TRPM8: variants seen among roughly 807,000 people sequenced by gnomAD.
TRPM8 encodes TRPM8 cationic channel.
TRPM8 carries 110 observed loss-of-function variants against 133.7 expected under a neutral mutation model. That is an observed-to-expected ratio of 0.82 (90% CI 0.70 to 0.96). The LOEUF is 0.96. Among genes scored for constraint, TRPM8 ranks in the 40% least tolerant of loss-of-function variants. TRPM8 has a pLI of 0.00. For missense variants in TRPM8, 1,291 were observed against 1,379.5 expected (o/e 0.94, Z 1.02); for synonymous variants, 535 against 532.3 (o/e 1.01, Z -0.07).
rs1429984846 is a variant in TRPM8, at chr2:233,942,425, G to T, written c.527-151G>T. 23 of 735,516 alleles carry T rather than the reference G, an allele frequency of 3.1e-5. No homozygotes were observed. In the East Asian group the frequency reaches 5.9e-4, roughly 19 times the overall value. 45.6% of individuals were successfully genotyped at this position (735,516 alleles called of 1,614,324 possible). A position where few individuals can be genotyped will look rare whatever the true frequency, so the allele number is the denominator to read the frequency against. The stretch of plus-strand genomic sequence containing the variant: ...ACACCTCTCAGGAGAACTGTCTGAG[G>T]TCCCCTCTCCTTCCTTGCCATACGA... On this transcript the variant is annotated intron_variant, in intron 5 of 25. Transcript: ENST00000324695.
Position 233,963,289 on chromosome 2 carries a change from C to G in TRPM8, c.1661C>G (p.Ser554Cys). Residue 554 changes from serine to cysteine, a missense_variant, in exon 13 of 26, where the codon TCT becomes TGT. Around this residue, in one of 2 missense-constraint regions of TRPM8, gnomAD observed 963 missense variants for 968.9 expected, o/e 0.99. Coordinates refer to ENST00000324695, the MANE Select transcript of TRPM8 (RefSeq NM_024080.5). The stretch of plus-strand genomic sequence containing the variant: ...CATGCTCTAACCCCCCAGGACGTGT[C>G]TCCTATTACTCGGCACCCCCTGCAA... Reference protein sequence around the residue: ...DEMDIELHDVSPITRHPLQAL... With the variant: ...DEMDIELHDVCPITRHPLQAL... The G allele has an allele frequency of 2.5e-6, 4 of 1,612,046 alleles. No individual in the cohort carries two copies. The highest frequency in any genetic ancestry group is 3.4e-6 in the Non-Finnish European group (4 of 1,178,448).
intron 9 of TRPM8, among the ~76,000 whole-genome samples, chr2:233,950,803 C>T (rs1196434017): frequency 6.6e-6 from 1 of 152,182 alleles, no homozygotes; most frequent in Non-Finnish European, 1.5e-5. Context: ...GGCTCCTCCC[C>T]ATGGAATTCT....
intron 20 of TRPM8, among the ~76,000 whole-genome samples, chr2:233,983,527 G>C (rs964792317): frequency 1.1e-4 from 16 of 152,174 alleles, no homozygotes; most frequent in African/African-American, 3.6e-4. Flanking sequence ...AGAAACCAGG[G>C]TTGTGAGTTG....
At chr2:234,016,692 A>G (rs1384169674) in intron 25 of TRPM8, among the ~76,000 whole-genome samples, 1 of 152,034 alleles carries the variant, frequency 6.6e-6, no homozygotes, top group Non-Finnish European at 1.5e-5. Flanking sequence ...CTTCTCTTAC[A>G]CCAAAGTTGA....
chr2:233,950,179 A>G, intron 9 of TRPM8, 33 bp downstream of exon 9: 1 of 1,591,602 alleles, frequency 6.3e-7, no homozygotes, highest in East Asian at 2.3e-5. Flanking sequence ...GAGGGCTGAG[A>G]AAATAAGACA....
chr2:233,958,975 C>T (rs1415956840), intron 11 of TRPM8, among the ~76,000 whole-genome samples: 1 of 139,656 alleles, frequency 7.2e-6, no homozygotes, highest in African/African-American at 2.7e-5. Flanking sequence ...TTGGCTCCCA[C>T]TGATGGTTCC....
rs1432361596 is a variant in TRPM8, at chr2:233,939,031, A to G, written c.382A>G (p.Ile128Val). 1 of 1,614,168 alleles carries G rather than the reference A, an allele frequency of 6.2e-7. No homozygotes were observed. The highest frequency in any genetic ancestry group is 1.7e-5 in the Admixed American group (1 of 60,028). ...TCTGTCCTGCGACACGGACGCGGAA[A>G]TCCTTTACGAGCTGCTGACCCAGCA... ...IRLSCDTDAEILYELLTQHWH... is the reference protein window; with the variant it reads ...IRLSCDTDAEVLYELLTQHWH... The change falls in exon 5 of 26, where the codon ATC becomes GTC. Residue 128 changes from isoleucine to valine, a missense_variant. By Grantham distance (29) the Ile-to-Val change is conservative (BLOSUM62 3). Around this residue, in one of 2 missense-constraint regions of TRPM8, gnomAD observed 963 missense variants for 968.9 expected, o/e 0.99. Transcript: ENST00000324695.
At chr2:233,978,179 C>T (rs1339096107) in intron 17 of TRPM8, among the ~76,000 whole-genome samples, 1 of 147,094 alleles carries the variant, frequency 6.8e-6, no homozygotes, top group Non-Finnish European at 1.5e-5. Flanking sequence ...ACACGTATTT[C>T]ACAGAAATGG....
intron 17 of TRPM8, among the ~76,000 whole-genome samples, chr2:233,970,714 A>G (rs965890096): frequency 6.6e-6 from 1 of 152,094 alleles, no homozygotes; most frequent in African/African-American, 2.4e-5. Flanking sequence ...GAGACCCTGG[A>G]TGATAAACCC....
In TRPM8 at chr2:233,969,695, A is replaced by G; in HGVS notation, c.2026A>G (p.Asn676Asp). ...GTTCTCTGTCTTTGTTTCCCTGTAG[A>G]ATTTTCTTTCTAAGCAATGGTATGG... Reference protein sequence around the residue: ...QHFIAQPGVQNFLSKQWYGEI... With the variant: ...QHFIAQPGVQDFLSKQWYGEI... The change falls in exon 16 of 26, where the codon AAT becomes GAT. Residue 676 changes from asparagine to aspartate, a missense_variant and splice_region_variant. Transcript: ENST00000324695. 6.3e-7 allele frequency: 1 copy of G among 1,592,654 alleles called. No homozygotes were observed. Among genetic ancestry groups the G allele is most frequent in the Non-Finnish European group, 8.6e-7 (1 of 1,160,584 alleles).
chr2:233,940,909 A>G (rs1380949869), intron 5 of TRPM8, among the ~76,000 whole-genome samples: 1 of 152,164 alleles, frequency 6.6e-6, no homozygotes, highest in South Asian at 2.1e-4. Context: ...TGGAGAAGGA[A>G]TGAGGTAATT....
intron 5 of TRPM8, among the ~76,000 whole-genome samples, chr2:233,941,176 TC>T (rs1663349045): frequency 6.6e-6 from 1 of 152,234 alleles, no homozygotes; most frequent in Non-Finnish European, 1.5e-5. Flanking sequence ...AGAGATGTTA[TC>T]TATAAGGAAA....
At chr2:233,981,140 A>G (rs1279766477) in intron 18 of TRPM8, among the ~76,000 whole-genome samples, 2 of 152,210 alleles carry the variant, frequency 1.3e-5, no homozygotes, top group African/African-American at 4.8e-5. Flanking sequence ...ATTTACACTT[A>G]TACAGAATGA....
intron 22 of TRPM8, among the ~76,000 whole-genome samples, chr2:234,004,087 A>C (rs1374543163): frequency 6.6e-6 from 1 of 152,254 alleles, no homozygotes; most frequent in African/African-American, 2.4e-5. Flanking sequence ...CAAGGAAGCC[A>C]CCAGATAAGT....
intron 20 of TRPM8, 118 bp downstream of exon 20, chr2:233,983,342 A>G (rs11563210): frequency 0.029 from 33,201 of 1,159,912 alleles, 615 homozygotes; most frequent in Non-Finnish European, 0.031. Flanking sequence ...ACGGAGTCCA[A>G]CATAACAGAG....
intron 17 of TRPM8, among the ~76,000 whole-genome samples, chr2:233,975,450 A>G (rs116428128): frequency 1.3e-5 from 2 of 152,308 alleles, no homozygotes; most frequent in African/African-American, 4.8e-5. Flanking sequence ...AAAAGTCAAA[A>G]GTCTTTTTTC....
chr2:233,964,749 G>T lies in TRPM8; in HGVS notation c.1871G>T (p.Arg624Leu), dbSNP rs201008719. Residue 624 changes from arginine to leucine, a missense_variant, in exon 14 of 26, where the codon CGG becomes CTG. Around this residue, in one of 2 missense-constraint regions of TRPM8, gnomAD observed 963 missense variants for 968.9 expected, o/e 0.99. Coordinates refer to ENST00000324695, the MANE Select transcript of TRPM8 (RefSeq NM_024080.5). ...SEELANEYET[R>L]AVELFTECYS... ...GAGCTGGCTAATGAGTACGAGACCC[G>T]GGCTGTTGGTGAGTCCACAGTGTGG... is the stretch of plus-strand genomic sequence containing the variant. The T allele has an allele frequency of 4.3e-6, 7 of 1,610,872 alleles. No individual in the cohort carries two copies. Among genetic ancestry groups the T allele is most frequent in the Non-Finnish European group, 5.1e-6 (6 of 1,177,884 alleles).
intron 6 of TRPM8, among the ~76,000 whole-genome samples, chr2:233,944,875 T>C (rs1173259976): frequency 1.3e-5 from 2 of 152,224 alleles, no homozygotes; most frequent in Non-Finnish European, 2.9e-5. Context: ...CATTTGATGT[T>C]CATAACAAAA....
intron 2 of TRPM8, among the ~76,000 whole-genome samples, chr2:233,926,992 T>C (rs1348542386): frequency 1.3e-5 from 2 of 152,182 alleles, no homozygotes; most frequent in Non-Finnish European, 2.9e-5. Flanking sequence ...TTGGGTGAGC[T>C]GGAGTCGGGG....
Sources: allele counts gnomAD v4.1 joint callset (sites outside exome capture counted in the v4.1 genomes callset), GRCh38; gene constraint gnomAD v4.1.1; regional missense constraint gnomAD v4.1.1; transcripts MANE v1.5; gene names NCBI Gene and HGNC (gene_info 2026-07-23, HGNC 2026-07-21).